MELK: variants seen among roughly 807,000 people sequenced by gnomAD.
MELK encodes the protein maternal embryonic leucine zipper kinase.
Under a neutral mutation model 85.0 loss-of-function variants are expected in MELK, and 81 were observed. The ratio of observed to expected loss-of-function variants is 0.95; its 90% CI spans 0.80 to 1.15. The LOEUF is 1.15. Ranked by LOEUF, MELK falls within the 50% of genes most tolerant of loss-of-function variation. The pLI is 0.00. For synonymous variants in MELK, 252 were observed against 265.0 expected, an observed-to-expected ratio of 0.95 and a Z score of 0.48; for missense variants, 754 against 777.5, an observed-to-expected ratio of 0.97 and a Z score of 0.36.
intron 15 of MELK, 149 bp downstream of exon 15, chr9:36,669,555 C>T: frequency 1.8e-6 from 1 of 553,914 alleles, no homozygotes; most frequent in Non-Finnish European, 3.0e-6. Flanking sequence ...GACCTGTGGC[C>T]ATTCCTGGAC....
chr9:36,636,861 G>A (rs893339792), intron 10 of MELK, among the ~76,000 whole-genome samples: 1 of 144,738 alleles, frequency 6.9e-6, no homozygotes, highest in African/African-American at 2.6e-5. Flanking sequence ...CTTTCTTACC[G>A]AGTCTCACTC....
intron 13 of MELK, among the ~76,000 whole-genome samples, chr9:36,659,641 C>T (rs1831597874): frequency 6.6e-6 from 1 of 152,164 alleles, no homozygotes. Context: ...ATCAATTCGT[C>T]TCTCAGTCTT....
intron 9 of MELK, 68 bp downstream of exon 9, chr9:36,630,435 G>T (rs540536317): frequency 3.6e-4 from 445 of 1,238,272 alleles, no homozygotes; most frequent in Non-Finnish European, 4.8e-4. Flanking sequence ...GATATCTGTG[G>T]TGCTACATCA....
intron 13 of MELK, among the ~76,000 whole-genome samples, chr9:36,662,317 C>T (rs1016661973): frequency 6.6e-6 from 1 of 150,622 alleles, no homozygotes; most frequent in Non-Finnish European, 1.5e-5. Flanking sequence ...ATCTCAGGCT[C>T]ACTGCAACCT....
intron 8 of MELK, among the ~76,000 whole-genome samples, chr9:36,609,830 T>C (rs948079642): frequency 6.6e-6 from 1 of 152,166 alleles, no homozygotes; most frequent in African/African-American, 2.4e-5. Flanking sequence ...CTGAAAGGCA[T>C]AGAAAAGATC....
intron 13 of MELK, among the ~76,000 whole-genome samples, chr9:36,664,588 A>G: frequency 6.6e-6 from 1 of 152,172 alleles, no homozygotes; most frequent in South Asian, 2.1e-4. Context: ...ATTAAAAGAA[A>G]CTTCATTTTT....
chr9:36,637,359 G>C lies in MELK; in HGVS notation c.834+4159G>C, dbSNP rs184348898. Among the ~76,000 whole-genome samples, 658 of 152,296 alleles carry C rather than the reference G, an allele frequency of 4.3e-3. 3 individuals are homozygous for C. Among genetic ancestry groups the C allele is most frequent in the Non-Finnish European group, 7.1e-3 (485 of 68,028 alleles). On this transcript the variant is annotated intron_variant, in intron 10 of 17. Transcript: ENST00000298048. The stretch of plus-strand genomic sequence containing the variant: ...AGCAACTATTTAAGATATAAATGTA[G>C]TGAGAAGAGTGGCATTGCTTTACAT...
At chr9:36,644,644 G>A (rs1240216685) in intron 11 of MELK, among the ~76,000 whole-genome samples, 1 of 152,094 alleles carries the variant, frequency 6.6e-6, no homozygotes, top group African/African-American at 2.4e-5. Context: ...TTCCATTTAA[G>A]CAACCTGAAA....
At chr9:36,616,016 C>T (rs935333406) in intron 8 of MELK, among the ~76,000 whole-genome samples, 3 of 152,284 alleles carry the variant, frequency 2.0e-5, no homozygotes, top group Admixed American at 6.5e-5. Context: ...CTGCTCCTTG[C>T]CCTCGGGCCC....
intron 11 of MELK, among the ~76,000 whole-genome samples, chr9:36,650,562 A>G (rs1830613245): frequency 6.6e-6 from 1 of 152,240 alleles, no homozygotes; most frequent in South Asian, 2.1e-4. Flanking sequence ...TCAACCCAGA[A>G]TTCTCTGCTT....
chr9:36,642,768 A>G (rs751383610), intron 10 of MELK, among the ~76,000 whole-genome samples: 83 of 152,172 alleles, frequency 5.5e-4, no homozygotes, highest in Non-Finnish European at 1.1e-3. Flanking sequence ...TCAGATGATG[A>G]TGGGGATAAA....
intron 5 of MELK, among the ~76,000 whole-genome samples, chr9:36,595,298 G>A (rs572611979): frequency 6.6e-6 from 1 of 152,092 alleles, no homozygotes; most frequent in Non-Finnish European, 1.5e-5. Context: ...ACAACACCCG[G>A]CTAATTTTTT....
chr9:36,624,398 G>C (rs1430281052), intron 8 of MELK, among the ~76,000 whole-genome samples: 1 of 152,144 alleles, frequency 6.6e-6, no homozygotes, highest in Non-Finnish European at 1.5e-5. Flanking sequence ...AGGAAACAGG[G>C]CCAGAGAGAT....
intron 12 of MELK, 43 bp from the exon 13 acceptor site, chr9:36,657,198 A>G: frequency 1.9e-6 from 3 of 1,578,140 alleles, no homozygotes; most frequent in Non-Finnish European, 2.6e-6. Flanking sequence ...ATATTGAATC[A>G]TAGTACTGTC....
At chr9:36,638,559 AC>A (rs1483613409) in intron 10 of MELK, among the ~76,000 whole-genome samples, 4 of 152,166 alleles carry the variant, frequency 2.6e-5, no homozygotes, top group African/African-American at 9.7e-5. Context: ...TTCTGGTGTT[AC>A]AGATGTGAGC....
intron 3 of MELK, 43 bp from the exon 4 acceptor site, chr9:36,589,493 C>G: frequency 6.7e-7 from 1 of 1,488,928 alleles, no homozygotes; most frequent in Non-Finnish European, 9.4e-7. Context: ...GGAACACCAC[C>G]TGAATAAGTT....
chr9:36,641,378 C>G (rs1320701204), intron 10 of MELK, among the ~76,000 whole-genome samples: 3 of 152,046 alleles, frequency 2.0e-5, no homozygotes. Context: ...TGTTCAAGGC[C>G]GCATGGTTAT....
chr9:36,594,942 T>C (rs1824033532), intron 5 of MELK, among the ~76,000 whole-genome samples, 171 bp downstream of exon 5: 1 of 150,702 alleles, frequency 6.6e-6, no homozygotes, highest in African/African-American at 2.4e-5. Flanking sequence ...TTTTTTTTTT[T>C]TGGAGGTGGT....
chr9:36,613,190 C>G (rs904589431), intron 8 of MELK, among the ~76,000 whole-genome samples: 4 of 152,258 alleles, frequency 2.6e-5, no homozygotes, highest in Admixed American at 1.3e-4. Context: ...CTTACCCTTT[C>G]ACCTGAAATG....
Sources: allele counts gnomAD v4.1 joint callset (sites outside exome capture counted in the v4.1 genomes callset), GRCh38; gene constraint gnomAD v4.1.1; transcripts MANE v1.5; gene names NCBI Gene and HGNC (gene_info 2026-07-23, HGNC 2026-07-21).